Variants in STX8 observed in about 807,000 individuals in gnomAD.
STX8 encodes the protein syntaxin 8.
A neutral mutation model predicts 37.5 loss-of-function variants in STX8; 23 were observed. The observed-to-expected ratio is 0.61, with a 90% CI of 0.44 to 0.87. STX8 has a LOEUF of 0.87. Ranked by LOEUF, STX8 falls within the 40% of genes least tolerant of loss-of-function variation. The pLI, the probability that STX8 is intolerant of heterozygous loss-of-function variation, is 0.00. For missense variants in STX8, 313 were observed against 284.7 expected (o/e 1.10, Z -0.71); for synonymous variants, 115 against 99.1 (o/e 1.16, Z -0.95).
chr17:9,523,414 ATT>A (rs541471435), intron 4 of STX8, among the ~76,000 whole-genome samples: 348 of 152,214 alleles, frequency 2.3e-3, no homozygotes, highest in Non-Finnish European at 3.6e-3. Flanking sequence ...ACATATATAT[ATT>A]TAAAGAGAAA....
chr17:9,376,833 G>A (rs961225103), intron 7 of STX8, among the ~76,000 whole-genome samples: 22 of 152,334 alleles, frequency 1.4e-4, no homozygotes, highest in African/African-American at 5.3e-4. Flanking sequence ...CATTCTTGAA[G>A]TCAGCGAGAC....
intron 2 of STX8, among the ~76,000 whole-genome samples, chr17:9,561,616 G>C (rs909114189): frequency 8.0e-6 from 1 of 125,780 alleles, no homozygotes; most frequent in African/African-American, 3.0e-5. Context: ...AGCCGAGATT[G>C]TGCCATTGCA....
chr17:9,556,908 A>T (rs1344064219), intron 3 of STX8: 3 of 151,886 alleles, frequency 2.0e-5, no homozygotes, highest in Non-Finnish European at 2.9e-5. Context: ...CCCATACTAG[A>T]GGCAGTGTCT....
chr17:9,502,884 C>T (rs1031858419), intron 5 of STX8, among the ~76,000 whole-genome samples: 9 of 151,988 alleles, frequency 5.9e-5, no homozygotes, highest in African/African-American at 1.9e-4. Flanking sequence ...GAGTGGATCG[C>T]TTGAGGTCAG....
intron 6 of STX8, among the ~76,000 whole-genome samples, chr17:9,384,993 C>T (rs1388877453): frequency 6.7e-6 from 1 of 148,960 alleles, no homozygotes; most frequent in Non-Finnish European, 1.5e-5. Flanking sequence ...ACTGTAAAAC[C>T]TAGAACTGTA....
At chr17:9,502,264 A>G (rs1039343697) in intron 5 of STX8, among the ~76,000 whole-genome samples, 2 of 152,230 alleles carry the variant, frequency 1.3e-5, no homozygotes, top group Admixed American at 6.5e-5. Flanking sequence ...AGATGAACAG[A>G]GAAGCAGAGA....
rs144863859 is a variant in STX8, at chr17:9,505,808, G to A, written c.324-646C>T. ...ACAAAAAAAATTAGCCGGGCTTGGC[G>A]GCAGACATCTGTAATCCCAGCTACT... On this transcript the variant is annotated intron_variant, in intron 4 of 7. Transcript: ENST00000306357. Among the ~76,000 whole-genome samples the A allele has an allele frequency of 2.3e-4, 35 of 152,096 alleles. 1 individual carries two copies. In the East Asian group the frequency reaches 6.2e-3, roughly 27 times the overall value.
rs1018798404 is a variant in STX8 at position 9,260,548 on chromosome 17, C to T, written c.644-9903G>A. ...CTGAGGCAGGAAAATTGCTTCAACT[C>T]GGGAGGCGGAGGTTGCAGTGAGCCG... On this transcript the variant is annotated intron_variant, in intron 7 of 7. Transcript: ENST00000306357. 7.2e-5 allele frequency among the ~76,000 whole-genome samples: 11 copies of T among 152,244 alleles called. No homozygotes were observed. In the East Asian group the frequency reaches 9.7e-4, roughly 13 times the overall value.
rs999870478 is a variant in STX8 at position 9,530,088 on chromosome 17, A to AT, written c.323+15083dup. 2.6e-5 allele frequency among the ~76,000 whole-genome samples: 4 copies of AT among 152,234 alleles called. 1 individual carries two copies. The Middle Eastern group carries it at 0.01, about 388-fold the overall frequency. On this transcript the variant is annotated intron_variant, in intron 4 of 7. Transcript: ENST00000306357. ...TTTGGGAGGCTAAGGCGGGCGGTTCATGAGGTCAGGAGATCGAGACCATCC... is the reference window on the plus strand; with the variant it reads ...TTTGGGAGGCTAAGGCGGGCGGTTCATTGAGGTCAGGAGATCGAGACCATCC...
chr17:9,574,469 A>G (rs1907814495), intron 1 of STX8, among the ~76,000 whole-genome samples: 2 of 152,060 alleles, frequency 1.3e-5, no homozygotes, highest in Non-Finnish European at 2.9e-5. Context: ...CAAATTTTCA[A>G]TATTCTCTAA....
intron 7 of STX8, among the ~76,000 whole-genome samples, chr17:9,286,256 C>G (rs1396402324): frequency 6.6e-6 from 1 of 152,220 alleles, no homozygotes; most frequent in African/African-American, 2.4e-5. Context: ...CACAGGCTCT[C>G]TTCTCCAAAA....
chr17:9,394,129 A>T (rs1912318697), intron 6 of STX8, among the ~76,000 whole-genome samples: 1 of 152,116 alleles, frequency 6.6e-6, no homozygotes. Flanking sequence ...CAAAGAAAAA[A>T]CCCACACTGT....
rs1381426354 is a variant in STX8 at position 9,425,372 on chromosome 17, C to T, written c.542-46719G>A. On this transcript the variant is annotated intron_variant, in intron 6 of 7. Transcript: ENST00000306357. ...GTTCATTCATTTTAATCATATAATA[C>T]ATGATGATTTATTTGTATTTATAAA... Among the ~76,000 whole-genome samples, 6 of 152,118 alleles carry T rather than the reference C, an allele frequency of 3.9e-5. No individual in the cohort carries two copies. The East Asian group carries it at 9.6e-4, about 24-fold the overall frequency.
chr17:9,487,338 T>C (rs1053361080), intron 6 of STX8, among the ~76,000 whole-genome samples: 27 of 152,120 alleles, frequency 1.8e-4, no homozygotes, highest in African/African-American at 6.3e-4. Context: ...TTGCAGCCAA[T>C]GTGCTGCCCT....
intron 6 of STX8, among the ~76,000 whole-genome samples, chr17:9,473,320 T>C (rs1200247554): frequency 3.3e-5 from 5 of 152,118 alleles, no homozygotes; most frequent in Non-Finnish European, 7.4e-5. Flanking sequence ...TGCCCAGCCA[T>C]GTCTCAGGAT....
intron 6 of STX8, among the ~76,000 whole-genome samples, chr17:9,441,277 G>A (rs1200402094): frequency 6.6e-6 from 1 of 151,880 alleles, no homozygotes; most frequent in African/African-American, 2.4e-5. Flanking sequence ...GGATCACGAG[G>A]TTGGGAGATC....
chr17:9,400,606 T>C (rs1039390360), intron 6 of STX8, among the ~76,000 whole-genome samples: 1 of 151,954 alleles, frequency 6.6e-6, no homozygotes, highest in African/African-American at 2.4e-5. Context: ...GGTTTCACCA[T>C]GTTGGTCAGG....
intron 7 of STX8, among the ~76,000 whole-genome samples, chr17:9,359,492 T>G (rs1231908532): frequency 6.7e-6 from 1 of 148,536 alleles, no homozygotes; most frequent in African/African-American, 2.5e-5. Context: ...TATTCCACAA[T>G]GCTGAGACAT....
intron 7 of STX8, among the ~76,000 whole-genome samples, chr17:9,342,814 A>C (rs1271963974): frequency 4.6e-5 from 7 of 152,090 alleles, no homozygotes; most frequent in Non-Finnish European, 1.0e-4. Flanking sequence ...TGAGGTCAGG[A>C]GTTCAAGACT....
Sources: gnomAD v4.1 joint callset for allele counts (sites outside exome capture counted in the v4.1 genomes callset) on GRCh38, gnomAD v4.1.1 for gene constraint, MANE v1.5 for transcripts, NCBI Gene and HGNC (gene_info 2026-07-23, HGNC 2026-07-21) for gene names.